Variants in MAMDC2 observed in about 807,000 individuals in gnomAD.
The protein encoded by MAMDC2 is MAM domain containing 2, also known as MAM domain-containing protein 2.
MAMDC2 carries 57 observed loss-of-function variants against 89.8 expected under a neutral mutation model. The observed-to-expected ratio is 0.63, with a 90% CI of 0.51 to 0.79. The LOEUF (loss-of-function observed/expected upper bound fraction) is 0.79. Among genes scored for constraint, MAMDC2 ranks in the 30% least tolerant of loss-of-function variants. The probability of loss-of-function intolerance (pLI) is 0.00; values close to 1 mark genes in which losing one functional copy is unlikely to be tolerated. For synonymous variants in MAMDC2, 313 were observed against 293.4 expected, an observed-to-expected ratio of 1.07 and a Z score of -0.68; for missense variants, 800 against 820.6, an observed-to-expected ratio of 0.97 and a Z score of 0.31.
At chr9:70,187,179 CCTAA>C (rs1452496167) in intron 11 of MAMDC2, among the ~76,000 whole-genome samples, 1 of 152,052 alleles carries the variant, frequency 6.6e-6, no homozygotes, top group African/African-American at 2.4e-5. Flanking sequence ...ATTGCCCCTG[CCTAA>C]CTGTCTCTCC....
At chr9:70,123,869 G>C (rs769902874) in intron 5 of MAMDC2, among the ~76,000 whole-genome samples, 1 of 152,116 alleles carries the variant, frequency 6.6e-6, no homozygotes. Context: ...CTTCCCTCAC[G>C]GCCCTGAGAA....
intron 2 of MAMDC2, among the ~76,000 whole-genome samples, chr9:70,047,189 C>T (rs554679627): frequency 7.0e-6 from 1 of 141,876 alleles, no homozygotes; most frequent in Non-Finnish European, 1.5e-5. Context: ...CCCACATGCA[C>T]TTCTTTTTTT....
chr9:70,216,869 C>T (rs1483619343), intron 11 of MAMDC2, among the ~76,000 whole-genome samples: 1 of 152,210 alleles, frequency 6.6e-6, no homozygotes, highest in Non-Finnish European at 1.5e-5. Flanking sequence ...TTAACACCAA[C>T]TGGCTTTGAG....
intron 11 of MAMDC2, among the ~76,000 whole-genome samples, chr9:70,197,261 C>T (rs989090081): frequency 2.6e-5 from 4 of 152,032 alleles, no homozygotes; most frequent in Admixed American, 1.3e-4. Context: ...AAATTAAAAC[C>T]AGAAACTGCA....
chr9:70,078,382 A>G (rs926342169), intron 2 of MAMDC2, among the ~76,000 whole-genome samples: 1 of 152,166 alleles, frequency 6.6e-6, no homozygotes, highest in Non-Finnish European at 1.5e-5. Flanking sequence ...TGAGGCACAA[A>G]ATATAATTTA....
At chr9:70,063,090 AC>A (rs1827184547) in intron 2 of MAMDC2, 1 of 152,170 alleles carries the variant, frequency 6.6e-6, no homozygotes, top group East Asian at 1.9e-4. Flanking sequence ...CCCCGTCTGT[AC>A]TATACATACA....
At chr9:70,197,507 C>A (rs890385605) in intron 11 of MAMDC2, among the ~76,000 whole-genome samples, 2 of 152,038 alleles carry the variant, frequency 1.3e-5, no homozygotes, top group African/African-American at 4.8e-5. Context: ...TGAAGCAAAA[C>A]CAGCTGTGTG....
chr9:70,220,764 T>G (rs1437925498), intron 12 of MAMDC2, among the ~76,000 whole-genome samples: 1 of 152,208 alleles, frequency 6.6e-6, no homozygotes, highest in Non-Finnish European at 1.5e-5. Flanking sequence ...TAATCCTCAT[T>G]GGCCTGAAGG....
rs60685397 is a variant in MAMDC2 at position 70,113,670 on chromosome 9, G to A, written c.643+538G>A. ...TGGGAGGTGAGGTTGTGTTACCAGCGAGAAGTCAGCTTTGAGGAGAAGTCC... is the reference window on the plus strand; with the variant it reads ...TGGGAGGTGAGGTTGTGTTACCAGCAAGAAGTCAGCTTTGAGGAGAAGTCC... On this transcript the variant is annotated intron_variant, in intron 5 of 13. Coordinates refer to ENST00000377182, the MANE Select transcript of MAMDC2 (RefSeq NM_153267.5). 9.9e-3 allele frequency: 1,540 copies of A among 154,860 alleles called. 28 individuals carry two copies. The highest frequency in any genetic ancestry group is 0.034 in the African/African-American group (1,411 of 41,556). 9.6% of individuals were successfully genotyped at this position (154,860 alleles called of 1,614,324 possible).
intron 6 of MAMDC2, among the ~76,000 whole-genome samples, chr9:70,126,650 C>T (rs982793151): frequency 7.2e-5 from 11 of 152,138 alleles, no homozygotes; most frequent in African/African-American, 2.7e-4. Context: ...TTTATGAGAA[C>T]AAATATGGCT....
chr9:70,089,997 G>A (rs892025212), intron 2 of MAMDC2, among the ~76,000 whole-genome samples: 4 of 152,012 alleles, frequency 2.6e-5, no homozygotes, highest in Non-Finnish European at 4.4e-5. Context: ...ATCAAAAAAC[G>A]AATGAACTAG....
chr9:70,144,324 A>T (rs1395043021), intron 9 of MAMDC2, among the ~76,000 whole-genome samples: 1 of 152,070 alleles, frequency 6.6e-6, no homozygotes, highest in African/African-American at 2.4e-5. Flanking sequence ...TAGAACCAAC[A>T]CCACCCTAGC....
At chr9:70,167,175 TA>T (rs1328906781) in intron 9 of MAMDC2, among the ~76,000 whole-genome samples, 1 of 152,180 alleles carries the variant, frequency 6.6e-6, no homozygotes, top group Non-Finnish European at 1.5e-5. Flanking sequence ...TCTTTGTATA[TA>T]TACAGAGTTA....
intron 6 of MAMDC2, among the ~76,000 whole-genome samples, chr9:70,128,063 T>C (rs1665850526): frequency 6.6e-6 from 1 of 152,268 alleles, no homozygotes; most frequent in Non-Finnish European, 1.5e-5. Context: ...GATTTTGCTC[T>C]ACTAGTCTGA....
chr9:70,188,607 G>A (rs2032809416), intron 11 of MAMDC2: 1 of 151,822 alleles, frequency 6.6e-6, no homozygotes, highest in South Asian at 2.1e-4. Context: ...TGCAATACCT[G>A]GAGTGGACAG....
intron 6 of MAMDC2, among the ~76,000 whole-genome samples, chr9:70,129,704 A>G (rs1346145034): frequency 1.3e-5 from 2 of 152,334 alleles, no homozygotes; most frequent in African/African-American, 2.4e-5. Flanking sequence ...CAAAGATTTC[A>G]GATAAAATCT....
At chr9:70,170,701 G>A in intron 11 of MAMDC2, 70 bp downstream of exon 11, 2 of 1,437,582 alleles carry the variant, frequency 1.4e-6, no homozygotes, top group South Asian at 1.5e-5. Flanking sequence ...ATCGTTTACT[G>A]CATTTTGAAA....
intron 8 of MAMDC2, among the ~76,000 whole-genome samples, chr9:70,140,955 C>T (rs1048532848): frequency 6.6e-6 from 1 of 152,076 alleles, no homozygotes; most frequent in Non-Finnish European, 1.5e-5. Context: ...TCAATGACAG[C>T]CTTTGTGGAG....
At chr9:70,058,120 GAAT>G (rs897307270) in intron 2 of MAMDC2, among the ~76,000 whole-genome samples, 19 of 152,282 alleles carry the variant, frequency 1.2e-4, no homozygotes, top group Admixed American at 3.9e-4. Context: ...ATAGGAATAT[GAAT>G]AATGACAATT....
Sources: gnomAD v4.1 joint callset for allele counts (sites outside exome capture counted in the v4.1 genomes callset) on GRCh38, gnomAD v4.1.1 for gene constraint, MANE v1.5 for transcripts, NCBI Gene and HGNC (gene_info 2026-07-23, HGNC 2026-07-21) for gene names.